The following NLRP11 variants were observed in gnomAD, a reference collection of about 807,000 sequenced individuals.
NLRP11 encodes NLR family pyrin domain containing 11, also known as NACHT, LRR and PYD domains-containing protein 11.
In NLRP11, 53 loss-of-function variants were observed where a neutral mutation model predicts 79.3. That is an observed-to-expected ratio of 0.67 (90% confidence interval 0.54 to 0.84). NLRP11 has a LOEUF of 0.84. Among genes scored for constraint, NLRP11 ranks in the 40% least tolerant of loss-of-function variants. The pLI, the probability that NLRP11 is intolerant of heterozygous loss-of-function variation, is 0.00. For synonymous variants in NLRP11, 518 were observed against 462.6 expected (o/e 1.12, Z -1.54); for missense variants, 1,264 against 1,255.0 (o/e 1.01, Z -0.11).
chr19:55,803,059 CT>C, intron 4 of NLRP11, among the ~76,000 whole-genome samples: 1 of 152,012 alleles, frequency 6.6e-6, no homozygotes, highest in Non-Finnish European at 1.5e-5. Flanking sequence ...CTATTAAAAA[CT>C]TGGAGGCGCT....
intron 5 of NLRP11, chr19:55,801,187 A>T (rs1338333447): frequency 6.0e-6 from 1 of 166,000 alleles, no homozygotes; most frequent in South Asian, 1.7e-4. Flanking sequence ...CTCAAAAAAA[A>T]AAAAAAAATT....
At chr19:55,800,829 C>T (rs935055676) in intron 5 of NLRP11, among the ~76,000 whole-genome samples, 1 of 152,084 alleles carries the variant, frequency 6.6e-6, no homozygotes, top group Non-Finnish European at 1.5e-5. Flanking sequence ...ACATCAATAG[C>T]TTTTTGCATT....
At chr19:55,810,061 G>A (rs1324979157) in exon 3 of NLRP11, 1 of 1,614,040 alleles carries the variant, frequency 6.2e-7, no homozygotes. Flanking sequence ...TGAGGTGAAC[G>A]ACGTACGAGA....
upstream of NLRP11, among the ~76,000 whole-genome samples, chr19:55,833,178 T>C (rs1337529334): frequency 6.6e-6 from 1 of 152,214 alleles, no homozygotes; most frequent in African/African-American, 2.4e-5. Flanking sequence ...TGATATACAA[T>C]GTTATTGCCA....
At chr19:55,801,716 G>A in exon 5 of NLRP11, 2 of 1,614,192 alleles carry the variant, frequency 1.2e-6, no homozygotes, top group Middle Eastern at 1.6e-4. Context: ...TTCAAAACCA[G>A]AAGCAGTCGA....
chr19:55,796,704 T>G (rs1456166356), intron 5 of NLRP11, among the ~76,000 whole-genome samples: 1 of 151,900 alleles, frequency 6.6e-6, no homozygotes, highest in East Asian at 1.9e-4. Flanking sequence ...TTTTTTTTTT[T>G]GAGATGGAGT....
At chr19:55,811,405 A>G (rs1980589164) in intron 2 of NLRP11, among the ~76,000 whole-genome samples, 2 of 152,220 alleles carry the variant, frequency 1.3e-5, no homozygotes, top group Non-Finnish European at 2.9e-5. Context: ...GGGTAAGGGC[A>G]GGCAAAAGAG....
intron 6 of NLRP11, among the ~76,000 whole-genome samples, chr19:55,793,246 CT>C (rs1978457058): frequency 1.3e-5 from 2 of 151,930 alleles, no homozygotes; most frequent in Admixed American, 1.3e-4. Context: ...GTGAGCTGCA[CT>C]TTTTTCCTAA....
intron 2 of NLRP11, 22 bp downstream of exon 2, chr19:55,817,882 C>G (rs1242470285): frequency 6.3e-7 from 1 of 1,581,538 alleles, no homozygotes. Context: ...TTTCTGCCCA[C>G]CCTTCTCGTG....
At chr19:55,796,829 C>T (rs1978954510) in intron 5 of NLRP11, among the ~76,000 whole-genome samples, 1 of 152,088 alleles carries the variant, frequency 6.6e-6, no homozygotes. Flanking sequence ...GCTGGGATTA[C>T]AGGCATGCGT....
At chr19:55,814,581 T>TAAA (rs11380186) in intron 2 of NLRP11, among the ~76,000 whole-genome samples, 1 of 150,240 alleles carries the variant, frequency 6.7e-6, no homozygotes, top group African/African-American at 2.4e-5. Context: ...ACCATGCAAC[T>TAAA]AAAAAAAAAA....
chr19:55,834,036 A>G (rs10403638), upstream of NLRP11, among the ~76,000 whole-genome samples: 43,237 of 151,882 alleles, frequency 0.28, 6,387 homozygotes, highest in African/African-American at 0.35. Flanking sequence ...TCAAAACTCT[A>G]TCATATTTTA....
At chr19:55,785,659 C>T in exon 10 of NLRP11, 1 of 1,614,052 alleles carries the variant, frequency 6.2e-7, no homozygotes, top group Non-Finnish European at 8.5e-7. Flanking sequence ...ATTTGACGTT[C>T]TCATGGCTGC....
chr19:55,815,759 T>C (rs1042071352), intron 2 of NLRP11, among the ~76,000 whole-genome samples: 1 of 152,154 alleles, frequency 6.6e-6, no homozygotes, highest in Non-Finnish European at 1.5e-5. Flanking sequence ...AATTCACTCA[T>C]GAATCCTTCT....
In NLRP11 at chr19:55,809,902, G is replaced by T; in HGVS notation, c.708C>A (p.Phe236Leu). Residue 236 changes from phenylalanine to leucine, a missense_variant, in exon 3 of 10, where the codon TTC (phenylalanine) becomes TTA (leucine). By Grantham distance (22) the Phe-to-Leu change is conservative (BLOSUM62 0). Coordinates refer to ENST00000589093, the Ensembl canonical transcript of NLRP11. The surrounding 1 kb of genome is among the most constrained non-coding windows in gnomAD (Gnocchi z 4.5). Reference sequence around the variant, plus strand: ...AAGCACTTTCATTGACATTTAACTCGAATCTTATGTTGTCCAAGTCCTCGA... The same window carrying T: ...AAGCACTTTCATTGACATTTAACTCTAATCTTATGTTGTCCAAGTCCTCGA... The T allele has an allele frequency of 6.2e-7, 1 of 1,614,002 alleles. No individual in the cohort carries two copies. Among genetic ancestry groups the T allele is most frequent in the South Asian group, 1.1e-5 (1 of 91,066 alleles).
chr19:55,807,647 G>C (rs1217851289), intron 4 of NLRP11, among the ~76,000 whole-genome samples: 1 of 152,186 alleles, frequency 6.6e-6, no homozygotes, highest in Admixed American at 6.5e-5. Context: ...AGGCAGCCAT[G>C]ATGGCTGGGA....
chr19:55,806,636 C>T (rs985173418), intron 4 of NLRP11, among the ~76,000 whole-genome samples: 8 of 152,236 alleles, frequency 5.3e-5, no homozygotes, highest in Non-Finnish European at 1.0e-4. Context: ...TTTTTAAACG[C>T]GGTATCCAGA....
chr19:55,810,620 C>T (rs1472099107), intron 2 of NLRP11, among the ~76,000 whole-genome samples: 1 of 152,162 alleles, frequency 6.6e-6, no homozygotes, highest in African/African-American at 2.4e-5. Context: ...CCTCAGCCTC[C>T]CAAGTAGCTA....
rs1055435544 is a variant in NLRP11 at position 55,831,649 on chromosome 19, C to T, written c.-63+314G>A. Among the ~76,000 whole-genome samples, 5 of 152,018 alleles carry T rather than the reference C, an allele frequency of 3.3e-5. No individual in the cohort carries two copies. The South Asian group carries it at 8.3e-4, about 25-fold the overall frequency. The stretch of plus-strand genomic sequence containing the variant: ...AATAGCATCCATAAGGCTATGATGA[C>T]GAGTTAGTTAGGTTTAAACACTCCA... On this transcript the variant is annotated intron_variant, in intron 1 of 9. Coordinates refer to ENST00000589093, the Ensembl canonical transcript of NLRP11.
Sources: allele counts gnomAD v4.1 joint callset (sites outside exome capture counted in the v4.1 genomes callset), GRCh38; gene constraint gnomAD v4.1.1; non-coding constraint Gnocchi (gnomAD v3.1); transcripts MANE v1.5; gene names NCBI Gene and HGNC (gene_info 2026-07-23, HGNC 2026-07-21).